Variants in MAGI1 observed in about 807,000 individuals in gnomAD.
MAGI1 encodes the protein membrane associated guanylate kinase, WW and PDZ domain containing 1, also known as membrane-associated guanylate kinase, WW and PDZ domain-containing protein 1.
Under a neutral mutation model 139.9 loss-of-function variants are expected in MAGI1, and 58 were observed. The ratio of observed to expected loss-of-function variants is 0.41; its 90% confidence interval spans 0.34 to 0.52. The LOEUF is 0.52. MAGI1 is among the 20% of genes least tolerant of loss of function. MAGI1 has a pLI of 0.12. For synonymous variants in MAGI1, 812 were observed against 737.9 expected, an observed-to-expected ratio of 1.10 and a Z score of -1.63; for missense variants, 1,874 against 1,901.6, an observed-to-expected ratio of 0.99 and a Z score of 0.27.
At chr3:65,814,278 G>T (rs932765906) in intron 1 of MAGI1, among the ~76,000 whole-genome samples, 1 of 152,020 alleles carries the variant, frequency 6.6e-6, no homozygotes, top group Admixed American at 6.6e-5. Context: ...CATTCTCTAA[G>T]GTGGTAGTAA....
At chr3:65,603,388 C>T (rs1236312284) in intron 2 of MAGI1, among the ~76,000 whole-genome samples, 1 of 152,054 alleles carries the variant, frequency 6.6e-6, no homozygotes, top group African/African-American at 2.4e-5. Flanking sequence ...CAATGAAATT[C>T]ACGATGCTGC....
At chr3:65,936,063 T>G (rs756157153) in intron 1 of MAGI1, among the ~76,000 whole-genome samples, 25 of 152,172 alleles carry the variant, frequency 1.6e-4, no homozygotes, top group Non-Finnish European at 2.8e-4. Context: ...GGGGCTTTGT[T>G]AGGCAGCAGA....
In MAGI1 at chr3:65,727,119, T is replaced by C. The variant is rs572687762; in HGVS notation, c.314-105031A>G. On this transcript the variant is annotated intron_variant, in intron 1 of 22. Coordinates refer to ENST00000402939, the MANE Select transcript of MAGI1 (RefSeq NM_001033057.2). ...TCTGTGGCCAAATATGTGTAGGAAG[T>C]AGTGAGACAAAGTAATAGAAATTTC... 7.9e-5 allele frequency among the ~76,000 whole-genome samples: 12 copies of C among 152,268 alleles called. No homozygotes were observed. In the South Asian group the frequency reaches 2.5e-3, roughly 32 times the overall value.
chr3:65,395,646 A>AAAAAAAAAAAAAAAAAAAAAAAAAAG (rs1944329804), intron 13 of MAGI1, among the ~76,000 whole-genome samples: 1 of 140,660 alleles, frequency 7.1e-6, no homozygotes, highest in African/African-American at 2.6e-5. Context: ...CAAAAAAAAA[A>AAAAAAAAAAAAAAAAAAAAAAAAAAG]AAAAAAAAAA....
intron 1 of MAGI1, among the ~76,000 whole-genome samples, chr3:66,025,696 G>A (rs1307402942): frequency 6.6e-6 from 1 of 152,132 alleles, no homozygotes; most frequent in East Asian, 1.9e-4. Context: ...TTCTGTTTGT[G>A]TATGTGTGTG....
intron 1 of MAGI1, among the ~76,000 whole-genome samples, chr3:65,950,053 A>C (rs2063726587): frequency 1.2e-4 from 4 of 33,782 alleles, no homozygotes; most frequent in African/African-American, 2.0e-4. Flanking sequence ...TCAAAAAAAA[A>C]AAAAACAAAA....
chr3:65,824,790 A>G (rs954061525), intron 1 of MAGI1, among the ~76,000 whole-genome samples: 1 of 152,214 alleles, frequency 6.6e-6, no homozygotes, highest in African/African-American at 2.4e-5. Context: ...CCTACCAATA[A>G]TTTAACCTCT....
chr3:65,960,328 G>A (rs1463460771), intron 1 of MAGI1, among the ~76,000 whole-genome samples: 3 of 152,226 alleles, frequency 2.0e-5, no homozygotes, highest in South Asian at 2.1e-4. Context: ...ACAATTCTGC[G>A]TTAGCCTTCT....
At chr3:65,408,916 A>C (rs985113136) in intron 12 of MAGI1, among the ~76,000 whole-genome samples, 4 of 152,232 alleles carry the variant, frequency 2.6e-5, no homozygotes, top group African/African-American at 9.6e-5. Context: ...CACAGCGCTC[A>C]CATTCTGTGG....
At chr3:65,442,181 A>T (rs527447128) in intron 8 of MAGI1, among the ~76,000 whole-genome samples, 30 of 152,052 alleles carry the variant, frequency 2.0e-4, no homozygotes, top group Middle Eastern at 3.4e-3. Context: ...CCAATGCTAG[A>T]ATAAGGCACA....
chr3:65,687,875 C>T, intron 1 of MAGI1: 1 of 629,246 alleles, frequency 1.6e-6, no homozygotes, highest in Non-Finnish European at 3.1e-6. Flanking sequence ...ACCCAGAACT[C>T]CGTTTGGATA....
intron 13 of MAGI1, 61 bp downstream of exon 13, chr3:65,401,378 C>G: frequency 8.4e-7 from 1 of 1,189,354 alleles, no homozygotes; most frequent in Non-Finnish European, 1.2e-6. Context: ...ACCCTCCCAC[C>G]TCCAGCCCCC....
At chr3:65,449,604 G>A (rs1042525524) in intron 6 of MAGI1, among the ~76,000 whole-genome samples, 1 of 151,918 alleles carries the variant, frequency 6.6e-6, no homozygotes, top group Non-Finnish European at 1.5e-5. Context: ...GTGAAACCCC[G>A]ACTCTATTAA....
In MAGI1 at chr3:65,595,349, C is replaced by T. The variant is rs548786734; in HGVS notation, c.430+26623G>A. The stretch of plus-strand genomic sequence containing the variant: ...CACAAAAACAGTCTTGGGTATCAAA[C>T]GTATAGGTTCAAAGAGCTCCTTTCT... On this transcript the variant is annotated intron_variant, in intron 2 of 22. Coordinates refer to ENST00000402939, the MANE Select transcript of MAGI1 (RefSeq NM_001033057.2). Among the ~76,000 whole-genome samples the T allele has an allele frequency of 4.6e-5, 7 of 152,266 alleles. No individual in the cohort carries two copies. In the South Asian group the frequency reaches 6.2e-4, roughly 14 times the overall value.
rs189426990 is a variant in MAGI1, at chr3:65,551,530, G to C, written c.431-57899C>G. On this transcript the variant is annotated intron_variant, in intron 2 of 22. Transcript: ENST00000402939. The stretch of plus-strand genomic sequence containing the variant: ...TTAGCCAGGATGGTCTCGATTTCCT[G>C]ACCTCGTGATCCGCCCGCCTCGGCC... Among the ~76,000 whole-genome samples the C allele has an allele frequency of 5.3e-5, 8 of 152,246 alleles. No homozygotes were observed. The East Asian group carries it at 1.6e-3, about 30-fold the overall frequency.
At chr3:65,922,467 A>C (rs201332097) in intron 1 of MAGI1, among the ~76,000 whole-genome samples, 1 of 64,638 alleles carries the variant, frequency 1.5e-5, no homozygotes, top group Non-Finnish European at 2.8e-5. Context: ...TGTGAAGAGG[A>C]GGTAAAAACT....
intron 2 of MAGI1, among the ~76,000 whole-genome samples, chr3:65,561,780 G>T (rs4688577): frequency 0.68 from 104,017 of 151,998 alleles, 36,012 homozygotes; most frequent in East Asian, 0.95. Context: ...ATTAGCAAGT[G>T]GAGACAGAGT....
chr3:66,009,991 G>A (rs574666243), intron 1 of MAGI1, among the ~76,000 whole-genome samples: 2 of 139,444 alleles, frequency 1.4e-5, no homozygotes, highest in Non-Finnish European at 1.5e-5. Context: ...TAGGAGAATC[G>A]CTTGAACCCG....
chr3:65,503,905 T>C (rs1181688695), intron 2 of MAGI1, among the ~76,000 whole-genome samples: 2 of 152,176 alleles, frequency 1.3e-5, no homozygotes, highest in African/African-American at 2.4e-5. Context: ...AAACCGTCCA[T>C]GTATCCTTTT....
Sources: allele counts gnomAD v4.1 joint callset (sites outside exome capture counted in the v4.1 genomes callset), GRCh38; gene constraint gnomAD v4.1.1; transcripts MANE v1.5; gene names NCBI Gene and HGNC (gene_info 2026-07-23, HGNC 2026-07-21).